The following CYP4V2 variants were observed in gnomAD, a reference collection of about 807,000 sequenced individuals.
The protein encoded by CYP4V2 is cytochrome P450 family 4 subfamily V member 2, also known as cytochrome P450 4V2.
CYP4V2 carries 55 observed loss-of-function variants against 60.8 expected under a neutral mutation model. The observed-to-expected ratio is 0.90, with a 90% CI of 0.73 to 1.13. The LOEUF (loss-of-function observed/expected upper bound fraction) is 1.13. CYP4V2 is among the 50% of genes most tolerant of loss of function. The pLI, the probability that CYP4V2 is intolerant of heterozygous loss-of-function variation, is 0.00. For synonymous variants in CYP4V2, 239 were observed against 236.8 expected (o/e 1.01, Z -0.08); for missense variants, 675 against 662.9 (o/e 1.02, Z -0.20).
Position 186,197,070 on chromosome 4 carries a change from A to G in CYP4V2, c.544A>G (p.Asn182Asp), listed in dbSNP as rs1331368662. ...GGTTAAGAAACTTGAAAAACACATT[A>G]ACCAAGAAGCATTTAACTGCTTTTT... ...ILVKKLEKHINQEAFNCFFYI... is the reference protein window; with the variant it reads ...ILVKKLEKHIDQEAFNCFFYI... Residue 182 changes from asparagine to aspartate, a missense_variant, in exon 4 of 11, where the codon AAC becomes GAC. Transcript: ENST00000378802. The G allele has an allele frequency of 1.2e-6, 2 of 1,613,888 alleles. No homozygotes were observed. The highest frequency in any genetic ancestry group is 1.7e-5 in the Admixed American group (1 of 59,998).
intron 10 of CYP4V2, 140 bp from the exon 11 acceptor site, chr4:186,210,329 C>A: frequency 1.0e-6 from 1 of 988,232 alleles, no homozygotes; most frequent in South Asian, 1.5e-5. Context: ...TCATCTTTAA[C>A]AGGTGTTCCA....
chr4:186,208,623 G>A (rs999291175), intron 8 of CYP4V2, among the ~76,000 whole-genome samples: 4 of 150,882 alleles, frequency 2.7e-5, no homozygotes, highest in Admixed American at 2.0e-4. Flanking sequence ...CTTGGTCCAC[G>A]TGTTTTTCTT....
At chr4:186,196,906 A>T in intron 3 of CYP4V2, 34 bp from the exon 4 acceptor site, 1 of 1,595,510 alleles carries the variant, frequency 6.3e-7, no homozygotes, top group East Asian at 2.2e-5. Flanking sequence ...CTCTCTGTAG[A>T]TATATTTTTT....
rs1486888033 is a variant in CYP4V2 at position 186,194,501 on chromosome 4, A to T, written c.216A>T (p.Glu72Asp). 1 of 1,613,814 alleles carries T rather than the reference A, an allele frequency of 6.2e-7. No homozygotes were observed. Among genetic ancestry groups the T allele is most frequent in the Non-Finnish European group, 8.5e-7 (1 of 1,179,756 alleles). The stretch of plus-strand genomic sequence containing the variant: ...TTCAAATTTGATGTTTTTCCCCAGA[A>T]TTTTTTCAGCAGATCATTGAGTACA... ...HALLMKPDGREFFQQIIEYTE... is the reference protein window; with the variant it reads ...HALLMKPDGRDFFQQIIEYTE... The change falls in exon 2 of 11, where the codon GAA becomes GAT. Residue 72 changes from glutamate (E) to aspartate (D), a missense_variant and splice_region_variant. Glu to Asp is a conservative substitution (Grantham distance 45). Coordinates refer to ENST00000378802, the MANE Select transcript of CYP4V2 (RefSeq NM_207352.4).
chr4:186,199,506 A>G (rs902899523), intron 6 of CYP4V2, among the ~76,000 whole-genome samples: 1 of 152,180 alleles, frequency 6.6e-6, no homozygotes, highest in African/African-American at 2.4e-5. Flanking sequence ...AGGAGAGGTG[A>G]TCTATCAACA....
chr4:186,204,039 T>G (rs1285832216), intron 7 of CYP4V2: 1 of 152,162 alleles, frequency 6.6e-6, no homozygotes, highest in Non-Finnish European at 1.5e-5. Flanking sequence ...AGATACATTT[T>G]TTTTTTTTCT....
At chr4:186,194,401 A>G in intron 1 of CYP4V2, 99 bp from the exon 2 acceptor site, 1 of 1,008,956 alleles carries the variant, frequency 9.9e-7, no homozygotes, top group South Asian at 1.3e-5. Context: ...CATATTACAG[A>G]ATTAGTATAT....
At chr4:186,206,497 G>A (rs1481272049) in intron 8 of CYP4V2, among the ~76,000 whole-genome samples, 2 of 152,148 alleles carry the variant, frequency 1.3e-5, no homozygotes, top group Non-Finnish European at 2.9e-5. Context: ...TAGCTGCAAG[G>A]TGAAAAGGAA....
chr4:186,197,264 G>T (rs575374497), intron 4 of CYP4V2, 134 bp downstream of exon 4: 11 of 1,133,654 alleles, frequency 9.7e-6, no homozygotes, highest in Admixed American at 5.8e-5. Context: ...TTCTACGACC[G>T]CACTGGCCTT....
At chr4:186,194,666 A>G (rs1313997512) in intron 2 of CYP4V2, 54 bp downstream of exon 2, 13 of 1,465,718 alleles carry the variant, frequency 8.9e-6, no homozygotes, top group African/African-American at 1.4e-5. Context: ...CAGTGTGAGA[A>G]TCTCACCAGA....
Position 186,209,264 on chromosome 4 carries a change from A to G in CYP4V2, c.1397A>G (p.Asn466Ser). The change falls in exon 10 of 11, where the codon AAC becomes AGC. Residue 466 changes from asparagine to serine, a missense_variant. Transcript: ENST00000378802. ...GTGCCCTTCTCTGCTGGCCCCAGGAACTGTATAGGTTTGTATCCATCTGAA... is the reference window on the plus strand; with the variant it reads ...GTGCCCTTCTCTGCTGGCCCCAGGAGCTGTATAGGTTTGTATCCATCTGAA... ...AYVPFSAGPR[N>S]CIGQKFAVME... 6.2e-7 allele frequency: 1 copy of G among 1,613,740 alleles called. No homozygotes were observed. Among genetic ancestry groups the G allele is most frequent in the Non-Finnish European group, 8.5e-7 (1 of 1,179,958 alleles).
chr4:186,196,877 C>A, intron 3 of CYP4V2, 63 bp from the exon 4 acceptor site: 4 of 1,514,818 alleles, frequency 2.6e-6, no homozygotes, highest in Non-Finnish European at 3.6e-6. Context: ...TTGGATGTTA[C>A]TTTTCTCTTT....
Position 186,212,874 on chromosome 4 carries a change from GA to G in CYP4V2, c.*2234del, listed in dbSNP as rs1202254770. The G allele has an allele frequency of 1.3e-5, 2 of 152,122 alleles. No homozygotes were observed. The highest frequency in any genetic ancestry group is 2.4e-5 in the African/African-American group (1 of 41,426). 9.4% of individuals were successfully genotyped at this position (152,122 alleles called of 1,614,324 possible). On this transcript the variant is annotated 3_prime_UTR_variant, in exon 11 of 11. Coordinates refer to ENST00000378802, the MANE Select transcript of CYP4V2 (RefSeq NM_207352.4). ...GTGCCTACAACCCAGGCCCTAAGTT[GA>G]TGAAGAAAAAGTCAAGGAAGGAGGT...
chr4:186,201,354 T>C lies in CYP4V2; in HGVS notation c.987+12T>C. On this transcript the variant is annotated intron_variant, in intron 7 of 10. Transcript: ENST00000378802. ...CCTTCATGTTTGAGGTATTGTATAT[T>C]GTTAGGTTCAGATATCATTAAACAA... The C allele has an allele frequency of 1.2e-6, 2 of 1,613,870 alleles. No homozygotes were observed. The highest frequency in any genetic ancestry group is 1.7e-6 in the Non-Finnish European group (2 of 1,179,826).
chr4:186,192,375 T>C (rs1259708628), intron 1 of CYP4V2: 3 of 519,676 alleles, frequency 5.8e-6, no homozygotes, highest in Admixed American at 5.1e-5. Context: ...AGAAGCTCCC[T>C]GGGAGCACAG....
chr4:186,199,227 T>C (rs1340641060), intron 6 of CYP4V2, 144 bp downstream of exon 6: 2 of 873,124 alleles, frequency 2.3e-6, no homozygotes, highest in African/African-American at 3.4e-5. Context: ...CCAGAACTTT[T>C]GGTAAGTCCA....
Position 186,193,877 on chromosome 4 carries a change from G to T in CYP4V2, c.215-623G>T, listed in dbSNP as rs1465918500. On this transcript the variant is annotated intron_variant, in intron 1 of 10. Transcript: ENST00000378802. ...GAAGATTGCAGTTGGCTTCCAACTG[G>T]CCTCTAAACTCTAATCTAGCATTTT... 9.2e-5 allele frequency among the ~76,000 whole-genome samples: 14 copies of T among 152,288 alleles called. No individual in the cohort carries two copies. The South Asian group carries it at 2.9e-3, about 32-fold the overall frequency.
chr4:186,206,180 G>A (rs1736494776), intron 8 of CYP4V2, among the ~76,000 whole-genome samples: 1 of 152,192 alleles, frequency 6.6e-6, no homozygotes, highest in African/African-American at 2.4e-5. Context: ...TTCTCTGGGT[G>A]TGAGTGTGTG....
chr4:186,197,746 G>C, intron 5 of CYP4V2, 144 bp downstream of exon 5: 1 of 812,992 alleles, frequency 1.2e-6, no homozygotes, highest in East Asian at 2.7e-5. Context: ...GTAAGCATGT[G>C]TTTAAGCAGT....
Sources: gnomAD v4.1 joint callset for allele counts (sites outside exome capture counted in the v4.1 genomes callset) on GRCh38, gnomAD v4.1.1 for gene constraint, MANE v1.5 for transcripts, NCBI Gene and HGNC (gene_info 2026-07-23, HGNC 2026-07-21) for gene names.